The following CHCHD6 variants were observed in gnomAD, a reference collection of about 807,000 sequenced individuals.
CHCHD6 encodes the protein MICOS complex subunit MIC25.
Under a neutral mutation model 32.3 loss-of-function variants are expected in CHCHD6, and 28 were observed. That is an observed-to-expected ratio of 0.87 (90% confidence interval 0.64 to 1.19). The LOEUF is 1.19. Ranked by LOEUF, CHCHD6 falls within the 50% of genes most tolerant of loss-of-function variation. The pLI, the probability that CHCHD6 is intolerant of heterozygous loss-of-function variation, is 0.00. For synonymous variants in CHCHD6, 122 were observed against 117.5 expected (o/e 1.04, Z -0.25); for missense variants, 333 against 307.0 (o/e 1.08, Z -0.63).
chr3:126,767,054 G>A, intron 4 of CHCHD6: 1 of 973,856 alleles, frequency 1.0e-6, no homozygotes, highest in Non-Finnish European at 1.6e-6. Flanking sequence ...CACTCAATGG[G>A]GAACCAGTCT....
In CHCHD6 at chr3:126,730,475, G is replaced by A. The variant is rs1316896721; in HGVS notation, c.197-86G>A. ...CCTTCCAAGGGGCACATTCATTCAT[G>A]GGGGTCATTCCTCTCTGGGTGACCT... On this transcript the variant is annotated intron_variant, in intron 2 of 7. Transcript: ENST00000290913. The A allele has an allele frequency of 2.8e-6, 3 of 1,077,980 alleles. No homozygotes were observed. In the African/African-American group the frequency reaches 4.7e-5, roughly 17 times the overall value. The allele number at this position is 1,077,980 out of a possible 1,614,324, so 66.8% of individuals were successfully genotyped here.
At chr3:126,835,672 C>T (rs1940828119) in intron 4 of CHCHD6, among the ~76,000 whole-genome samples, 1 of 152,204 alleles carries the variant, frequency 6.6e-6, no homozygotes, top group Non-Finnish European at 1.5e-5. Context: ...CAGTGAGAAG[C>T]AGCAGGCAGC....
At chr3:126,895,490 G>A (rs2077825448) in intron 5 of CHCHD6, among the ~76,000 whole-genome samples, 2 of 152,216 alleles carry the variant, frequency 1.3e-5, no homozygotes, top group South Asian at 2.1e-4. Flanking sequence ...ACACATTAAA[G>A]TTGAGTTCAC....
intron 5 of CHCHD6, among the ~76,000 whole-genome samples, chr3:126,906,141 C>T (rs1286689533): frequency 6.6e-6 from 1 of 152,192 alleles, no homozygotes; most frequent in Non-Finnish European, 1.5e-5. Context: ...CTTCCCCACC[C>T]ATTGTCTCCT....
intron 1 of CHCHD6, among the ~76,000 whole-genome samples, chr3:126,715,057 T>C (rs577507349): frequency 9.8e-5 from 15 of 152,288 alleles, no homozygotes; most frequent in African/African-American, 3.4e-4. Flanking sequence ...GTTGTCTGTT[T>C]TGTGGGTATA....
At chr3:126,726,908 T>C (rs1471250145) in intron 1 of CHCHD6, among the ~76,000 whole-genome samples, 170 bp from the exon 2 acceptor site, 3 of 152,190 alleles carry the variant, frequency 2.0e-5, no homozygotes, top group Non-Finnish European at 4.4e-5. Flanking sequence ...AGCATGGACC[T>C]GGTAGGCACT....
chr3:126,791,969 T>C (rs1022019416), intron 4 of CHCHD6, among the ~76,000 whole-genome samples: 1 of 152,230 alleles, frequency 6.6e-6, no homozygotes, highest in South Asian at 2.1e-4. Flanking sequence ...TAGAATTATA[T>C]AGTATTTGTC....
intron 5 of CHCHD6, among the ~76,000 whole-genome samples, chr3:126,901,158 C>T (rs371528259): frequency 9.2e-5 from 14 of 152,202 alleles, no homozygotes; most frequent in African/African-American, 3.1e-4. Flanking sequence ...ATACTGTCAG[C>T]TTCAAGAAGG....
chr3:126,705,979 T>G (rs1360987905), intron 1 of CHCHD6, among the ~76,000 whole-genome samples: 1 of 152,218 alleles, frequency 6.6e-6, no homozygotes, highest in East Asian at 1.9e-4. Context: ...TGCTAGGCGT[T>G]GTATAGTTTT....
intron 4 of CHCHD6, among the ~76,000 whole-genome samples, chr3:126,750,190 A>G (rs755820842): frequency 3.3e-5 from 5 of 152,208 alleles, no homozygotes; most frequent in Admixed American, 6.5e-5. Context: ...AGAAGGCACA[A>G]TGCTGTCAAT....
intron 4 of CHCHD6, among the ~76,000 whole-genome samples, chr3:126,762,634 A>G (rs188244628): frequency 8.5e-5 from 13 of 152,204 alleles, no homozygotes; most frequent in Admixed American, 7.8e-4. Context: ...TTTCTTATTA[A>G]TCTGTCAAAT....
At chr3:126,879,386 T>C (rs2077579069) in intron 5 of CHCHD6, among the ~76,000 whole-genome samples, 1 of 152,212 alleles carries the variant, frequency 6.6e-6, no homozygotes, top group Non-Finnish European at 1.5e-5. Context: ...ACCATCTTAA[T>C]TTCCTATTAC....
intron 2 of CHCHD6, among the ~76,000 whole-genome samples, chr3:126,729,787 T>G (rs1474519828): frequency 6.6e-6 from 1 of 152,108 alleles, no homozygotes; most frequent in Non-Finnish European, 1.5e-5. Context: ...TATGTTATGC[T>G]CTATGTGGTT....
intron 4 of CHCHD6, among the ~76,000 whole-genome samples, chr3:126,798,718 CT>C (rs140891910): frequency 1.8e-4 from 28 of 152,264 alleles, no homozygotes; most frequent in African/African-American, 6.3e-4. Flanking sequence ...CGGAGAGGAC[CT>C]TTGACAGTCA....
intron 6 of CHCHD6, among the ~76,000 whole-genome samples, chr3:126,936,986 C>T (rs1303044472): frequency 3.9e-5 from 6 of 152,214 alleles, no homozygotes; most frequent in South Asian, 4.1e-4. Context: ...CTTAGCATCC[C>T]GCCACCTCAC....
At chr3:126,920,187 A>T in intron 6 of CHCHD6, among the ~76,000 whole-genome samples, 1 of 142,422 alleles carries the variant, frequency 7.0e-6, no homozygotes, top group Non-Finnish European at 1.5e-5. Context: ...AATGTTTTTA[A>T]TTCTAAAAGT....
At chr3:126,841,735 T>C (rs1161468962) in intron 4 of CHCHD6, among the ~76,000 whole-genome samples, 2 of 151,118 alleles carry the variant, frequency 1.3e-5, no homozygotes, top group Middle Eastern at 3.2e-3. Flanking sequence ...GGAGACCCCG[T>C]CTTTCCAAAA....
At chr3:126,819,819 G>T (rs922921655) in intron 4 of CHCHD6, among the ~76,000 whole-genome samples, 1 of 152,226 alleles carries the variant, frequency 6.6e-6, no homozygotes, top group African/African-American at 2.4e-5. Context: ...CAGCATGCCT[G>T]GGTTAAAATT....
At chr3:126,940,051 C>G (rs1223907501) in intron 6 of CHCHD6, among the ~76,000 whole-genome samples, 1 of 152,110 alleles carries the variant, frequency 6.6e-6, no homozygotes, top group Non-Finnish European at 1.5e-5. Flanking sequence ...ACTGTAGCAT[C>G]TTAAAATGAG....
Sources: allele counts gnomAD v4.1 joint callset (sites outside exome capture counted in the v4.1 genomes callset), GRCh38; gene constraint gnomAD v4.1.1; transcripts MANE v1.5; gene names NCBI Gene and HGNC (gene_info 2026-07-23, HGNC 2026-07-21).